CLN8: variants seen among roughly 807,000 people sequenced by gnomAD.
The protein encoded by CLN8 is CLN8 transmembrane ER and ERGIC protein, also known as protein CLN8.
A neutral mutation model predicts 15.7 loss-of-function variants in CLN8; 14 were observed. The ratio of observed to expected loss-of-function variants is 0.89; its 90% CI spans 0.59 to 1.39. The LOEUF (loss-of-function observed/expected upper bound fraction) is 1.39. CLN8 is among the 40% of genes most tolerant of loss of function. The pLI, the probability that CLN8 is intolerant of heterozygous loss-of-function variation, is 0.00. For missense variants in CLN8, 415 were observed against 364.0 expected (o/e 1.14, Z -1.14); for synonymous variants, 188 against 151.0 (o/e 1.25, Z -1.80).
At chr8:1,761,595 G>A (rs1315588976), upstream of CLN8, among the ~76,000 whole-genome samples, 1 of 152,244 alleles carries the variant, frequency 6.6e-6, no homozygotes, top group Non-Finnish European at 1.5e-5. Context: ...AGAGTCCTGG[G>A]ATTACAGGTG....
chr8:1,778,850 G>A (rs748729684), intron 2 of CLN8, among the ~76,000 whole-genome samples: 15 of 152,164 alleles, frequency 9.9e-5, no homozygotes, highest in Non-Finnish European at 1.9e-4. Context: ...CTTTGACTCA[G>A]GATGGGGTTA....
chr8:1,777,755 A>G (rs966233148), intron 2 of CLN8, among the ~76,000 whole-genome samples: 1 of 152,210 alleles, frequency 6.6e-6, no homozygotes, highest in African/African-American at 2.4e-5. Flanking sequence ...AGTAACAGAC[A>G]TGGGGCTGCT....
At chr8:1,762,203 T>C (rs1487593701), upstream of CLN8, 1 of 152,210 alleles carries the variant, frequency 6.6e-6, no homozygotes, top group East Asian at 1.9e-4. Flanking sequence ...TTTATTTTTT[T>C]GAGACAGAGT....
At chr8:1,754,038 G>T (rs1041393261), upstream of CLN8, among the ~76,000 whole-genome samples, 1 of 152,048 alleles carries the variant, frequency 6.6e-6, no homozygotes, top group African/African-American at 2.4e-5. Flanking sequence ...AGACACACAG[G>T]CCCCCTGCAC....
intron 1 of CLN8, among the ~76,000 whole-genome samples, chr8:1,756,333 A>G (rs1479463727): frequency 1.3e-5 from 2 of 151,936 alleles, no homozygotes; most frequent in Non-Finnish European, 2.9e-5. Flanking sequence ...AAAATACAAA[A>G]ATTAGCCGGG....
rs1006089017 is a variant in CLN8, at chr8:1,763,862, G to T, written c.-147G>T. 6.6e-6 allele frequency: 1 copy of T among 152,236 alleles called. No homozygotes were observed. Among genetic ancestry groups the T allele is most frequent in the African/African-American group, 2.4e-5 (1 of 41,262 alleles). 9.4% of individuals were successfully genotyped at this position (152,236 alleles called of 1,614,324 possible). ...GGGGCGGGGCGGCGCCAAGCGCAGG[G>T]AGCCCGGCTGAGTGGCAGCCCAGGT... On this transcript the variant is annotated 5_prime_UTR_variant, in exon 1 of 3. Transcript: ENST00000331222.
At chr8:1,779,995 C>G (rs1202832290) in intron 2 of CLN8, 1 of 985,280 alleles carries the variant, frequency 1.0e-6, no homozygotes, top group East Asian at 1.1e-4. Context: ...GAGCAGAAGC[C>G]AAAGAGCAAG....
chr8:1,770,429 G>T (rs1317765414), intron 1 of CLN8, among the ~76,000 whole-genome samples: 1 of 152,124 alleles, frequency 6.6e-6, no homozygotes, highest in Non-Finnish European at 1.5e-5. Context: ...AGGAGTTCAG[G>T]CCTTCCCTGC....
At position 1,774,783 on chromosome 8, in the gene CLN8, G is replaced by A. The variant is rs111225932; in HGVS notation, c.543+3186G>A. Among the ~76,000 whole-genome samples the A allele has an allele frequency of 2.1e-3, 314 of 152,264 alleles. 4 individuals carry two copies. The highest frequency in any genetic ancestry group is 7.2e-3 in the African/African-American group (300 of 41,548). ...CAAGGCAGGCAGATCACTTGAGCCC[G>A]GGAGCTCAAGACCAGCAACATGGCA... On this transcript the variant is annotated intron_variant, in intron 2 of 2. Transcript: ENST00000331222.
chr8:1,753,850 C>T (rs1394584945), upstream of CLN8, among the ~76,000 whole-genome samples: 1 of 151,532 alleles, frequency 6.6e-6, no homozygotes, highest in Non-Finnish European at 1.5e-5. Flanking sequence ...CGCGCCATTG[C>T]ACTCCAGCCT....
rs1042313775 is a variant in CLN8 at position 1,769,587 on chromosome 8, G to A, written c.-123-1345G>A. On this transcript the variant is annotated intron_variant, in intron 1 of 2. Coordinates refer to ENST00000331222, the MANE Select transcript of CLN8 (RefSeq NM_018941.4). Reference sequence around the variant, plus strand: ...ACTGGGTGAGGGGGGACCAGGCGGGGACCTGAGTCTTTGTCGGTAGCCGTT... The same window carrying A: ...ACTGGGTGAGGGGGGACCAGGCGGGAACCTGAGTCTTTGTCGGTAGCCGTT... Among the ~76,000 whole-genome samples, 71 of 152,292 alleles carry A rather than the reference G, an allele frequency of 4.7e-4. 2 individuals are homozygous for A. Among genetic ancestry groups the A allele is most frequent in the Admixed American group, 2.2e-3 (34 of 15,296 alleles).
chr8:1,779,327 C>G (rs1801631744), intron 2 of CLN8, among the ~76,000 whole-genome samples: 1 of 152,212 alleles, frequency 6.6e-6, no homozygotes. Context: ...AGTGCAGTCT[C>G]TGCCTCCCAG....
chr8:1,757,637 C>T (rs1245606257), intron 1 of CLN8, among the ~76,000 whole-genome samples: 5 of 152,074 alleles, frequency 3.3e-5, no homozygotes, highest in Non-Finnish European at 5.9e-5. Context: ...GACAAGGTTT[C>T]ACTAGCCTGG....
In CLN8 at chr8:1,784,474, G is replaced by T. The variant is rs1801781771; in HGVS notation, c.*3907G>T. The T allele has an allele frequency of 6.6e-6, 1 of 152,130 alleles. No individual in the cohort carries two copies. The highest frequency in any genetic ancestry group is 2.1e-4 in the South Asian group (1 of 4,818). The allele number at this position is 152,130 out of a possible 1,614,324, so 9.4% of individuals were successfully genotyped here. ...GGCATTAAGCCATTTGCAAGAGTAGGGGGCCCCACCTCTTAATACCACCGC... is the reference window on the plus strand; with the variant it reads ...GGCATTAAGCCATTTGCAAGAGTAGTGGGCCCCACCTCTTAATACCACCGC... On this transcript the variant is annotated 3_prime_UTR_variant, in exon 3 of 3. Coordinates refer to ENST00000331222, the MANE Select transcript of CLN8 (RefSeq NM_018941.4).
chr8:1,756,542 A>G (rs1800674568), intron 1 of CLN8, among the ~76,000 whole-genome samples: 1 of 151,848 alleles, frequency 6.6e-6, no homozygotes, highest in Non-Finnish European at 1.5e-5. Flanking sequence ...TGTATATTTG[A>G]TTTATACCAT....
At chr8:1,765,275 T>C (rs1801005152) in intron 1 of CLN8, 1 of 152,248 alleles carries the variant, frequency 6.6e-6, no homozygotes, top group South Asian at 2.1e-4. Flanking sequence ...GGATTAGCTG[T>C]TGCTGAGAGA....
At chr8:1,756,347 A>G (rs960815994) in intron 1 of CLN8, among the ~76,000 whole-genome samples, 3 of 151,928 alleles carry the variant, frequency 2.0e-5, no homozygotes, top group African/African-American at 7.3e-5. Context: ...AGCCGGGTGT[A>G]GTGGTATGTA....
intron 1 of CLN8, among the ~76,000 whole-genome samples, chr8:1,764,147 G>GGGTGGCTCCTGGCGTCCGC (rs1372871018): frequency 1.3e-5 from 2 of 152,160 alleles, no homozygotes; most frequent in East Asian, 3.9e-4. Context: ...TGAGGGGCCG[G>GGGTGGCTCCTGGCGTCCGC]GGTGGCTCCT....
chr8:1,778,879 A>G (rs906955094), intron 2 of CLN8, among the ~76,000 whole-genome samples: 4 of 152,348 alleles, frequency 2.6e-5, no homozygotes, highest in African/African-American at 4.8e-5. Flanking sequence ...TAAGCCCACC[A>G]TAAGTTAAAA....
Sources: allele counts gnomAD v4.1 joint callset (sites outside exome capture counted in the v4.1 genomes callset), GRCh38; gene constraint gnomAD v4.1.1; transcripts MANE v1.5; gene names NCBI Gene and HGNC (gene_info 2026-07-23, HGNC 2026-07-21).